SVIL: variants seen among roughly 807,000 people sequenced by gnomAD.
SVIL encodes the protein supervillin.
In SVIL, 101 loss-of-function variants were observed where a neutral mutation model predicts 240.4. The ratio of observed to expected loss-of-function variants is 0.42; its 90% CI spans 0.36 to 0.50. The LOEUF (loss-of-function observed/expected upper bound fraction) is 0.50, where lower values mean the gene tolerates loss of function less well. Among genes scored for constraint, SVIL ranks in the 20% least tolerant of loss-of-function variants. The pLI, the probability that SVIL is intolerant of heterozygous loss-of-function variation, is 0.01. For synonymous variants in SVIL, 999 were observed against 1,100.0 expected, an observed-to-expected ratio of 0.91 and a Z score of 1.82; for missense variants, 2,512 against 2,818.7, an observed-to-expected ratio of 0.89 and a Z score of 2.46.
intron 6 of SVIL, among the ~76,000 whole-genome samples, chr10:29,539,065 T>C (rs7089869): frequency 0.27 from 41,530 of 151,872 alleles, 5,767 homozygotes; most frequent in East Asian, 0.32. Context: ...CTCAGGAGGC[T>C]GAGGCAGTAG....
intron 3 of SVIL, among the ~76,000 whole-genome samples, chr10:29,555,552 C>T (rs1303496233): frequency 1.3e-5 from 2 of 152,118 alleles, no homozygotes; most frequent in Admixed American, 1.3e-4. Context: ...TAACACCTAG[C>T]TATGTGACTC....
chr10:29,545,165 C>T (rs1192536912), intron 6 of SVIL: 3 of 516,972 alleles, frequency 5.8e-6, no homozygotes, highest in Non-Finnish European at 1.2e-5. Flanking sequence ...GCTCTGGAGA[C>T]GGTTTTTAGA....
intron 1 of SVIL, among the ~76,000 whole-genome samples, chr10:29,629,125 C>A (rs937116807): frequency 2.0e-5 from 3 of 151,960 alleles, no homozygotes; most frequent in Admixed American, 6.6e-5. Context: ...TCAAGGGGAG[C>A]TTTATTTAGA....
chr10:29,731,761 T>C (rs1381542903), intron 1 of SVIL, among the ~76,000 whole-genome samples: 2 of 152,228 alleles, frequency 1.3e-5, no homozygotes, highest in Admixed American at 6.5e-5. Context: ...AGTAAGTCTC[T>C]TTACAATGAC....
At chr10:29,470,167 T>G (rs1010407755) in intron 32 of SVIL, 109 bp downstream of exon 32, 5 of 1,277,504 alleles carry the variant, frequency 3.9e-6, no homozygotes, top group South Asian at 1.3e-5. Flanking sequence ...TTTGCTGCAG[T>G]CACTTTCAGC....
In SVIL at chr10:29,532,805, CTT is replaced by C; in HGVS notation, c.1560_1561del (p.Ser521Ter). 1 of 1,614,134 alleles carries C rather than the reference CTT, an allele frequency of 6.2e-7. No homozygotes were observed. Among genetic ancestry groups the C allele is most frequent in the Non-Finnish European group, 8.5e-7 (1 of 1,180,032 alleles). ...TTTGGCGTCTTGGGACACAGGCTCA[CTT>C]TGAATGTAGAGAACCATCTCGCTCC... On this transcript the variant is annotated frameshift_variant, in exon 8 of 38. Coordinates refer to ENST00000355867, the MANE Select transcript of SVIL (RefSeq NM_021738.3). LOFTEE classifies it high-confidence loss of function.
At chr10:29,702,291 T>A (rs371077908) in intron 1 of SVIL, among the ~76,000 whole-genome samples, 81 of 139,842 alleles carry the variant, frequency 5.8e-4, no homozygotes, top group African/African-American at 2.1e-3. Context: ...AAATGTTCCA[T>A]CAAAATAAGA....
chr10:29,486,249 A>G lies in SVIL; in HGVS notation c.4634-19T>C, dbSNP rs779664222. Reference sequence around the variant, plus strand: ...CCAGCAGCTTGGGGATAAGAAGAACAGGAGAGCATCACATTTTACATTGCA... The same window carrying G: ...CCAGCAGCTTGGGGATAAGAAGAACGGGAGAGCATCACATTTTACATTGCA... On this transcript the variant is annotated intron_variant, in intron 25 of 37. Coordinates refer to ENST00000355867, the MANE Select transcript of SVIL (RefSeq NM_021738.3). 7.4e-6 allele frequency: 12 copies of G among 1,613,314 alleles called. No homozygotes were observed. The highest frequency in any genetic ancestry group is 1.0e-5 in the Non-Finnish European group (12 of 1,179,434).
At chr10:29,611,287 C>A (rs1957233909) in intron 1 of SVIL, among the ~76,000 whole-genome samples, 1 of 151,776 alleles carries the variant, frequency 6.6e-6, no homozygotes, top group Non-Finnish European at 1.5e-5. Flanking sequence ...TTCACACTTT[C>A]AAAAAAAGCA....
intron 5 of SVIL, 130 bp downstream of exon 5, chr10:29,554,653 C>G: frequency 1.6e-6 from 2 of 1,217,456 alleles, no homozygotes; most frequent in Non-Finnish European, 2.1e-6. Context: ...AAACCTTGTG[C>G]TAAAAAAATT....
chr10:29,513,057 A>C (rs1949963783), intron 16 of SVIL, among the ~76,000 whole-genome samples, 196 bp from the exon 17 acceptor site: 1 of 152,248 alleles, frequency 6.6e-6, no homozygotes, highest in Admixed American at 6.5e-5. Context: ...GATGGCCCGA[A>C]GATTTTACAG....
chr10:29,564,013 C>T (rs1445177067), intron 2 of SVIL, among the ~76,000 whole-genome samples: 3 of 152,086 alleles, frequency 2.0e-5, no homozygotes, highest in Admixed American at 1.3e-4. Flanking sequence ...AACTACTCAG[C>T]GAGGTGCTGA....
chr10:29,552,384 G>A (rs1379383579), intron 5 of SVIL, among the ~76,000 whole-genome samples: 1 of 151,862 alleles, frequency 6.6e-6, no homozygotes, highest in Non-Finnish European at 1.5e-5. Context: ...CCAACACGGT[G>A]TAACCCCGTC....
intron 1 of SVIL, among the ~76,000 whole-genome samples, chr10:29,576,564 G>C (rs1479749666): frequency 6.6e-6 from 1 of 152,146 alleles, no homozygotes; most frequent in Non-Finnish European, 1.5e-5. Flanking sequence ...AAAATTATGA[G>C]TAGTATATCT....
intron 6 of SVIL, among the ~76,000 whole-genome samples, chr10:29,545,967 G>A (rs1233833358): frequency 6.6e-6 from 1 of 151,812 alleles, no homozygotes; most frequent in Non-Finnish European, 1.5e-5. Flanking sequence ...AACAGAGAGT[G>A]ATGGCCGGAT....
At chr10:29,471,094 A>C in intron 31 of SVIL, 44 bp downstream of exon 31, 1 of 1,549,034 alleles carries the variant, frequency 6.5e-7, no homozygotes, top group Non-Finnish European at 8.8e-7. Context: ...TCTTTCCAAG[A>C]GAGGGAAAGG....
At chr10:29,711,257 G>A (rs1278772860) in intron 1 of SVIL, among the ~76,000 whole-genome samples, 2 of 151,816 alleles carry the variant, frequency 1.3e-5, no homozygotes, top group Non-Finnish European at 2.9e-5. Context: ...AAAATTAGCT[G>A]GGCATGGTGA....
intron 3 of SVIL, among the ~76,000 whole-genome samples, chr10:29,654,676 C>T (rs1009192717): frequency 6.6e-6 from 1 of 152,086 alleles, no homozygotes; most frequent in Non-Finnish European, 1.5e-5. Context: ...GCTGAGAAGT[C>T]CCACAACCGG....
chr10:29,485,633 A>C (rs1177791833), intron 26 of SVIL, among the ~76,000 whole-genome samples: 1 of 152,174 alleles, frequency 6.6e-6, no homozygotes, highest in Non-Finnish European at 1.5e-5. Context: ...CTTTCTCAAC[A>C]CTTAGCATGC....
Sources: allele counts gnomAD v4.1 joint callset (sites outside exome capture counted in the v4.1 genomes callset), GRCh38; gene constraint gnomAD v4.1.1; transcripts MANE v1.5; gene names NCBI Gene and HGNC (gene_info 2026-07-23, HGNC 2026-07-21).